Variants in TANGO2 observed in about 807,000 individuals in gnomAD.
TANGO2 encodes the protein transport and Golgi organization protein 2 homolog.
TANGO2 carries 26 observed loss-of-function variants against 39.1 expected under a neutral mutation model. The observed-to-expected ratio is 0.67, with a 90% CI of 0.49 to 0.92. TANGO2 has a LOEUF of 0.92. Among genes scored for constraint, TANGO2 ranks in the 40% least tolerant of loss-of-function variants. TANGO2 has a pLI of 0.00. For missense variants in TANGO2, 326 were observed against 360.1 expected, an observed-to-expected ratio of 0.91 and a Z score of 0.77; for synonymous variants, 131 against 144.5, an observed-to-expected ratio of 0.91 and a Z score of 0.67.
intron 2 of TANGO2, among the ~76,000 whole-genome samples, chr22:20,042,043 G>A (rs1235331663): frequency 6.6e-6 from 1 of 151,586 alleles, no homozygotes; most frequent in Non-Finnish European, 1.5e-5. Flanking sequence ...GTGCAATGGT[G>A]CAGTCACAGT....
intron 3 of TANGO2, among the ~76,000 whole-genome samples, chr22:20,051,393 T>C (rs1602221007): frequency 6.6e-6 from 1 of 151,686 alleles, no homozygotes; most frequent in African/African-American, 2.4e-5. Context: ...TAGCCAGGTG[T>C]GATGGCACAT....
At chr22:20,058,721 C>T (rs1288178946) in intron 6 of TANGO2, among the ~76,000 whole-genome samples, 5 of 151,704 alleles carry the variant, frequency 3.3e-5, no homozygotes, top group African/African-American at 1.2e-4. Flanking sequence ...TATCAGTTTG[C>T]AGACCCGGAA....
chr22:20,022,174 C>T (rs2039830270), intron 1 of TANGO2, among the ~76,000 whole-genome samples: 1 of 152,240 alleles, frequency 6.6e-6, no homozygotes. Flanking sequence ...TGATCCAGTC[C>T]TGCTCATACA....
chr22:20,043,149 G>T (rs896169340), intron 2 of TANGO2, among the ~76,000 whole-genome samples: 1 of 152,178 alleles, frequency 6.6e-6, no homozygotes, highest in Non-Finnish European at 1.5e-5. Context: ...CCTGTTTCCC[G>T]TGCGGTCCCA....
chr22:20,063,564 C>G (rs1392172957), intron 8 of TANGO2, 122 bp downstream of exon 8: 1 of 904,062 alleles, frequency 1.1e-6, no homozygotes, highest in Non-Finnish European at 1.7e-6. Context: ...TGAGTGGATT[C>G]CAGAGCTTCT....
At chr22:20,042,359 G>C (rs1454630014) in intron 2 of TANGO2, among the ~76,000 whole-genome samples, 1 of 152,162 alleles carries the variant, frequency 6.6e-6, no homozygotes, top group Non-Finnish European at 1.5e-5. Flanking sequence ...AGTCACTGCT[G>C]TGTCCTTATT....
At chr22:20,054,855 G>A (rs1399071288) in intron 5 of TANGO2, 1 of 152,324 alleles carries the variant, frequency 6.6e-6, no homozygotes, top group East Asian at 1.9e-4. Context: ...AGTGCTGGCA[G>A]CATGGGTGTC....
At chr22:20,061,819 T>C (rs2048443762) in intron 7 of TANGO2, 136 bp downstream of exon 7, 7 of 1,100,604 alleles carry the variant, frequency 6.4e-6, no homozygotes, top group Non-Finnish European at 8.8e-6. Context: ...CTGATGGATA[T>C]CCTGTCCTCC....
rs571082838 is a variant in TANGO2 at position 20,035,968 on chromosome 22, C to T, written c.-39-792C>T. ...TGTGCTTGTCGGCCTCCACTTTCCC[C>T]GCACTTAGTTGCCTTCACCCGAACC... On this transcript the variant is annotated intron_variant, in intron 1 of 8. Transcript: ENST00000327374. Among the ~76,000 whole-genome samples, 25 of 152,266 alleles carry T rather than the reference C, an allele frequency of 1.6e-4. No homozygotes were observed. The South Asian group carries it at 4.1e-3, about 25-fold the overall frequency.
At chr22:20,059,981 G>A (rs148845525) in intron 6 of TANGO2, among the ~76,000 whole-genome samples, 1 of 151,016 alleles carries the variant, frequency 6.6e-6, no homozygotes, top group Non-Finnish European at 1.5e-5. Context: ...TTTGAGACAG[G>A]GTCTGGCTCT....
At chr22:20,024,187 C>T (rs1286075995) in intron 1 of TANGO2, among the ~76,000 whole-genome samples, 1 of 152,210 alleles carries the variant, frequency 6.6e-6, no homozygotes, top group East Asian at 1.9e-4. Flanking sequence ...CATTGCACTC[C>T]AGCCTGGGCG....
chr22:20,053,685 A>G (rs1209656937), intron 5 of TANGO2, 134 bp downstream of exon 5: 2 of 694,474 alleles, frequency 2.9e-6, no homozygotes, highest in East Asian at 2.8e-5. Flanking sequence ...TGACTTGGCA[A>G]ACATTCTGAG....
At chr22:20,020,667 T>C (rs1181971211), upstream of TANGO2, among the ~76,000 whole-genome samples, 2 of 151,928 alleles carry the variant, frequency 1.3e-5, no homozygotes, top group Admixed American at 6.5e-5. Flanking sequence ...AAGAGGAAGA[T>C]GGCCAGGTCC....
intron 1 of TANGO2, among the ~76,000 whole-genome samples, chr22:20,028,801 C>T (rs2041282428): frequency 1.3e-5 from 2 of 152,360 alleles, no homozygotes; most frequent in South Asian, 2.1e-4. Context: ...CTGTTCCCCA[C>T]TGGGTCCTCC....
chr22:20,028,785 G>T (rs573071753), intron 1 of TANGO2, among the ~76,000 whole-genome samples: 21 of 152,334 alleles, frequency 1.4e-4, no homozygotes, highest in South Asian at 4.1e-4. Context: ...CAGCACTGAG[G>T]TCTGCCTGTT....
At position 20,053,534 on chromosome 22, in the gene TANGO2, C is replaced by A; in HGVS notation, c.363C>A (p.Leu121=). 1 of 1,612,738 alleles carries A rather than the reference C, an allele frequency of 6.2e-7. No individual in the cohort carries two copies. The highest frequency in any genetic ancestry group is 1.1e-5 in the South Asian group (1 of 91,056). ...GCCATCTGTACAATGGCTTCAACCT[C>A]ATAGCAGCCGACCTGAGGTGGGTCT... is the stretch of plus-strand genomic sequence containing the variant. The part of the protein sequence containing the change: ...MEGHLYNGFN[L]IAADLSTAKG... The change falls in exon 5 of 9, where the codon CTC becomes CTA. Residue 121 remains leucine, a synonymous_variant. Transcript: ENST00000327374.
chr22:20,042,295 G>A (rs2044109619), intron 2 of TANGO2, among the ~76,000 whole-genome samples: 1 of 152,012 alleles, frequency 6.6e-6, no homozygotes, highest in Non-Finnish European at 1.5e-5. Context: ...CCCAGCCATC[G>A]CTTCTTAGAC....
At chr22:20,031,939 G>T (rs2041947175) in intron 1 of TANGO2, among the ~76,000 whole-genome samples, 1 of 152,208 alleles carries the variant, frequency 6.6e-6, no homozygotes. Flanking sequence ...TGCCTGCTCG[G>T]GGTGGCCAGC....
At chr22:20,032,468 C>A (rs1022949387) in intron 1 of TANGO2, among the ~76,000 whole-genome samples, 1 of 152,236 alleles carries the variant, frequency 6.6e-6, no homozygotes, top group African/African-American at 2.4e-5. Context: ...CTGACTGGAC[C>A]CCAGACCCTC....
Sources: allele counts gnomAD v4.1 joint callset (sites outside exome capture counted in the v4.1 genomes callset), GRCh38; gene constraint gnomAD v4.1.1; transcripts MANE v1.5; gene names NCBI Gene and HGNC (gene_info 2026-07-23, HGNC 2026-07-21).